ULK3: variants seen among roughly 807,000 people sequenced by gnomAD.
ULK3 encodes unc-51 like kinase 3.
Under a neutral mutation model 69.4 loss-of-function variants are expected in ULK3, and 54 were observed. The ratio of observed to expected loss-of-function variants is 0.78; its 90% CI spans 0.63 to 0.98. ULK3 has a LOEUF of 0.98. Among genes scored for constraint, ULK3 ranks in the 50% least tolerant of loss-of-function variants. The pLI, the probability that ULK3 is intolerant of heterozygous loss-of-function variation, is 0.00. For synonymous variants in ULK3, 240 were observed against 254.5 expected, an observed-to-expected ratio of 0.94 and a Z score of 0.54; for missense variants, 558 against 627.7, an observed-to-expected ratio of 0.89 and a Z score of 1.19.
rs2064312811 is a variant in ULK3, at chr15:74,842,866, T to A, written c.102+138A>T. 1.5e-6 allele frequency: 2 copies of A among 1,317,752 alleles called. No individual in the cohort carries two copies. The highest frequency in any genetic ancestry group is 2.0e-6 in the Non-Finnish European group (2 of 979,440). The allele number at this position is 1,317,752 out of a possible 1,614,324, so 81.6% of individuals were successfully genotyped here. A position where few individuals can be genotyped will look rare whatever the true frequency, so the allele number is the denominator to read the frequency against. On this transcript the variant is annotated intron_variant, in intron 1 of 15. Coordinates refer to ENST00000440863, the MANE Select transcript of ULK3 (RefSeq NM_001099436.4). The surrounding 1 kb of genome is among the most constrained non-coding windows in gnomAD (Gnocchi z 4.9). ...CTAAGCGTGGCAGTCGGCTCCAACC[T>A]CCGCCGAGGGTCAGCTGGGGCGAGG... is the stretch of plus-strand genomic sequence containing the variant.
chr15:74,842,750 CCA>C lies in ULK3; in HGVS notation c.102+252_102+253del, dbSNP rs997130938. The C allele has an allele frequency of 1.3e-6, 2 of 1,510,304 alleles. No homozygotes were observed. Among genetic ancestry groups the C allele is most frequent in the African/African-American group, 1.4e-5 (1 of 72,630 alleles). 93.6% of individuals were successfully genotyped at this position (1,510,304 alleles called of 1,614,324 possible). ...CTCTGCCTCCCAACTGGCTCCAGTC[CCA>C]GACTCCTCCCAGCCCACCAGGTAAC... On this transcript the variant is annotated intron_variant, in intron 1 of 15. Transcript: ENST00000440863. This position sits in a 1 kb window ranked among gnomAD's most constrained non-coding sequence, Gnocchi z 4.9.
chr15:74,843,096 G>T lies in ULK3; in HGVS notation c.10C>A (p.Pro4Thr), dbSNP rs1435549339. The change falls in exon 1 of 16, where the codon CCC (proline) becomes ACC (threonine). Residue 4 changes from proline (P) to threonine (T), a missense_variant. Pro to Thr is a conservative substitution (Grantham distance 38). Transcript: ENST00000440863. ...TCCAGGCGCGGGGGACCCCAGCCGG[G>T]CCCCGCCATTCCGGCCGCCTGCGCC... Reference protein sequence around the residue: MAGPGWGPPRLDGF... With the variant: MAGTGWGPPRLDGF... 1 of 1,332,996 alleles carries T rather than the reference G, an allele frequency of 7.5e-7. No homozygotes were observed. The highest frequency in any genetic ancestry group is 9.6e-7 in the Non-Finnish European group (1 of 1,038,210). 82.6% of individuals were successfully genotyped at this position (1,332,996 alleles called of 1,614,324 possible). A position where few individuals can be genotyped will look rare whatever the true frequency, so the allele number is the denominator to read the frequency against.
intron 13 of ULK3, 41 bp downstream of exon 13, chr15:74,838,111 G>A: frequency 6.5e-7 from 1 of 1,549,440 alleles, no homozygotes; most frequent in East Asian, 2.4e-5. Flanking sequence ...CAGAGAAAGG[G>A]GAAGAGGAAG....
Position 74,838,762 on chromosome 15 carries a change from G to T in ULK3, c.1000-17C>A, listed in dbSNP as rs1429250477. 5.1e-6 allele frequency: 8 copies of T among 1,583,730 alleles called. No homozygotes were observed. Among genetic ancestry groups the T allele is most frequent in the Non-Finnish European group, 6.0e-6 (7 of 1,161,746 alleles). On this transcript the variant is annotated splice_polypyrimidine_tract_variant and intron_variant, in intron 9 of 15. Coordinates refer to ENST00000440863, the MANE Select transcript of ULK3 (RefSeq NM_001099436.4). ...CTGCCCCACCTGTAGCAGGGAAAGG[G>T]CCTGAGGAGGGGCTGTCTCACCAGC...
chr15:74,839,498 C>A lies in ULK3; in HGVS notation c.852+60G>T, dbSNP rs760364667. On this transcript the variant is annotated intron_variant, in intron 7 of 15. Coordinates refer to ENST00000440863, the MANE Select transcript of ULK3 (RefSeq NM_001099436.4). ...GGGTGAGTCACCAATTCACCACCAA[C>A]GGGGGCAAGGAGACCTCCAGCCCAC... The A allele has an allele frequency of 3.9e-6, 6 of 1,540,174 alleles. No individual in the cohort carries two copies. In the South Asian group the frequency reaches 6.0e-5, roughly 15 times the overall value.
At chr15:74,840,360 A>C (rs1346337897) in intron 5 of ULK3, 44 bp from the exon 6 acceptor site, 1 of 1,586,626 alleles carries the variant, frequency 6.3e-7, no homozygotes, top group Admixed American at 1.8e-5. Context: ...GAATGGGTCA[A>C]GCCTGGCCTG....
In ULK3 at chr15:74,839,548, G is replaced by A. The variant is rs1240359420; in HGVS notation, c.852+10C>T. 1.4e-5 allele frequency: 22 copies of A among 1,547,000 alleles called. No individual in the cohort carries two copies. The highest frequency in any genetic ancestry group is 2.7e-5 in the African/African-American group (2 of 73,128). ...CCCTCAGCCCACCCCAGCCCCAGCCGTCTGCTCACTGCTCGCCCCAGACTC... is the reference window on the plus strand; with the variant it reads ...CCCTCAGCCCACCCCAGCCCCAGCCATCTGCTCACTGCTCGCCCCAGACTC... On this transcript the variant is annotated intron_variant, in intron 7 of 15. Coordinates refer to ENST00000440863, the MANE Select transcript of ULK3 (RefSeq NM_001099436.4).
At position 74,841,804 on chromosome 15, in the gene ULK3, T is replaced by C. The variant is rs529752418; in HGVS notation, c.364+271A>G. ...TTTCCTTGGCACAGCACTTGAGTCC[T>C]ACCTACAGGACTCTGGAATGTTCTA... is the stretch of plus-strand genomic sequence containing the variant. On this transcript the variant is annotated intron_variant, in intron 3 of 15. Transcript: ENST00000440863. 2.2e-4 allele frequency among the ~76,000 whole-genome samples: 33 copies of C among 152,316 alleles called. No homozygotes were observed. The South Asian group carries it at 5.6e-3, about 26-fold the overall frequency.
chr15:74,837,683 C>T lies in ULK3; in HGVS notation c.1335+68G>A, dbSNP rs537881819. On this transcript the variant is annotated intron_variant, in intron 14 of 15. Transcript: ENST00000440863. Reference sequence around the variant, plus strand: ...GCAGACATACACCAGCAGGGGGGGACGACAGCCACAAGCAGAGAGCAACAG... The same window carrying T: ...GCAGACATACACCAGCAGGGGGGGATGACAGCCACAAGCAGAGAGCAACAG... 2.9e-4 allele frequency: 440 copies of T among 1,521,016 alleles called. 5 individuals are homozygous for T. In the African/African-American group the frequency reaches 4.4e-3, roughly 15 times the overall value. 94.2% of individuals were successfully genotyped at this position (1,521,016 alleles called of 1,614,324 possible). A position where few individuals can be genotyped will look rare whatever the true frequency, so the allele number is the denominator to read the frequency against.
rs2064175510 is a variant in ULK3, at chr15:74,839,726, G to C, written c.697-13C>G. ...GCCGCAAGGGGAGCTGCAGGGAAGGGAACGGCAGGGACAGATCACACTGGG... is the reference window on the plus strand; with the variant it reads ...GCCGCAAGGGGAGCTGCAGGGAAGGCAACGGCAGGGACAGATCACACTGGG... On this transcript the variant is annotated splice_polypyrimidine_tract_variant and intron_variant, in intron 6 of 15. Coordinates refer to ENST00000440863, the MANE Select transcript of ULK3 (RefSeq NM_001099436.4). 1 of 1,523,724 alleles carries C rather than the reference G, an allele frequency of 6.6e-7. No individual in the cohort carries two copies. Among genetic ancestry groups the C allele is most frequent in the African/African-American group, 1.4e-5 (1 of 73,280 alleles). The allele number at this position is 1,523,724 out of a possible 1,614,324, so 94.4% of individuals were successfully genotyped here.
intron 4 of ULK3, 148 bp downstream of exon 4, chr15:74,841,257 T>C (rs1008290336): frequency 3.3e-6 from 2 of 613,968 alleles, no homozygotes; most frequent in Non-Finnish European, 5.5e-6. Context: ...CACCTTTTGA[T>C]GACAGGGCCC....
At chr15:74,840,198 GC>G (rs769168883) in intron 6 of ULK3, 35 bp downstream of exon 6, 5 of 1,579,002 alleles carry the variant, frequency 3.2e-6, no homozygotes, top group East Asian at 2.3e-5. Flanking sequence ...GACTCCCTCT[GC>G]CCCCCAGTGG....
chr15:74,842,221 C>G lies in ULK3; in HGVS notation c.244-26G>C. The stretch of plus-strand genomic sequence containing the variant: ...CTGTGTTTAGAGGCAGAGAGGCGGC[C>G]TGAAGAGAGTGTCCCTTCTCCAGCT... On this transcript the variant is annotated intron_variant, in intron 2 of 15. Transcript: ENST00000440863. This position sits in a 1 kb window ranked among gnomAD's most constrained non-coding sequence, Gnocchi z 4.9. The G allele has an allele frequency of 6.2e-7, 1 of 1,613,992 alleles. No homozygotes were observed. The highest frequency in any genetic ancestry group is 8.5e-7 in the Non-Finnish European group (1 of 1,179,872).
intron 6 of ULK3, 138 bp downstream of exon 6, chr15:74,840,095 CA>C: frequency 9.1e-7 from 1 of 1,100,530 alleles, no homozygotes; most frequent in Non-Finnish European, 1.3e-6. Flanking sequence ...CCTCGACTTC[CA>C]GCCTAGAACC....
chr15:74,841,976 C>T, intron 3 of ULK3, 99 bp downstream of exon 3: 2 of 1,567,778 alleles, frequency 1.3e-6, no homozygotes, highest in Non-Finnish European at 1.7e-6. Flanking sequence ...CAGGAGGCAG[C>T]TGCAATGCGT....
rs770330314 is a variant in ULK3, at chr15:74,840,295, G to T, written c.635C>A (p.Pro212His). Reference sequence around the variant, plus strand: ...CTCCGAGAACGACCTGGAGGCAAAGGGGGGCTGCCCGAAGAGGGCTTCTGT... The same window carrying T: ...CTCCGAGAACGACCTGGAGGCAAAGTGGGGCTGCCCGAAGAGGGCTTCTGT... ...ILYEALFGQP[P>H]FASRSFSELE... The change falls in exon 6 of 16, where the codon CCC becomes CAC. Residue 212 changes from proline (P) to histidine (H), a missense_variant. By Grantham distance (77) the Pro-to-His change is moderately conservative. Coordinates refer to ENST00000440863, the MANE Select transcript of ULK3 (RefSeq NM_001099436.4). 6.2e-7 allele frequency: 1 copy of T among 1,610,652 alleles called. No individual in the cohort carries two copies. Among genetic ancestry groups the T allele is most frequent in the Non-Finnish European group, 8.5e-7 (1 of 1,178,602 alleles).
In ULK3 at chr15:74,838,350, G is replaced by A. The variant is rs777238215; in HGVS notation, c.1168-6C>T. The A allele has an allele frequency of 6.4e-7, 1 of 1,568,910 alleles. No individual in the cohort carries two copies. The highest frequency in any genetic ancestry group is 2.4e-5 in the East Asian group (1 of 41,882). On this transcript the variant is annotated splice_polypyrimidine_tract_variant and splice_region_variant and intron_variant, in intron 11 of 15. Transcript: ENST00000440863. ...TCCCCGCCGGCGGCCTCCTCCTGCAGCCACAAGGACACCAGGCTGCTTAGG... is the reference window on the plus strand; with the variant it reads ...TCCCCGCCGGCGGCCTCCTCCTGCAACCACAAGGACACCAGGCTGCTTAGG...
intron 4 of ULK3, among the ~76,000 whole-genome samples, chr15:74,841,112 G>T (rs1449914375): frequency 6.6e-6 from 1 of 152,120 alleles, no homozygotes; most frequent in Non-Finnish European, 1.5e-5. Context: ...CTTGTCACAC[G>T]CTGAACCCTG....
intron 3 of ULK3, among the ~76,000 whole-genome samples, chr15:74,841,809 A>G (rs1269824545): frequency 6.6e-6 from 1 of 152,098 alleles, no homozygotes; most frequent in Non-Finnish European, 1.5e-5. Flanking sequence ...AGTCCTACCT[A>G]CAGGACTCTG....
Sources: allele counts gnomAD v4.1 joint callset (sites outside exome capture counted in the v4.1 genomes callset), GRCh38; gene constraint gnomAD v4.1.1; non-coding constraint Gnocchi (gnomAD v3.1); transcripts MANE v1.5; gene names NCBI Gene and HGNC (gene_info 2026-07-23, HGNC 2026-07-21).